Variants in CCSER1 observed in about 807,000 individuals in gnomAD.
CCSER1 encodes serine-rich coiled-coil domain-containing protein 1.
In CCSER1, 41 loss-of-function variants were observed where a neutral mutation model predicts 82.0. The ratio of observed to expected loss-of-function variants is 0.50; its 90% CI spans 0.39 to 0.65. CCSER1 has a LOEUF of 0.65. CCSER1 is among the 30% of genes least tolerant of loss of function. CCSER1 has a pLI of 0.00. For synonymous variants in CCSER1, 414 were observed against 383.9 expected (o/e 1.08, Z -0.92); for missense variants, 1,119 against 1,064.2 (o/e 1.05, Z -0.72).
At chr4:90,392,644 T>C (rs1012546963) in intron 3 of CCSER1, among the ~76,000 whole-genome samples, 7 of 151,892 alleles carry the variant, frequency 4.6e-5, no homozygotes, top group Non-Finnish European at 1.0e-4. Context: ...TCTATTCATA[T>C]TTGCAAAATA....
chr4:90,620,608 T>A (rs775589818), intron 5 of CCSER1, among the ~76,000 whole-genome samples: 1 of 152,202 alleles, frequency 6.6e-6, no homozygotes, highest in Non-Finnish European at 1.5e-5. Flanking sequence ...CTTCTAGATT[T>A]AATGTCTTTC....
intron 10 of CCSER1, among the ~76,000 whole-genome samples, chr4:91,441,369 C>T (rs990526249): frequency 7.9e-5 from 12 of 152,122 alleles, no homozygotes; most frequent in African/African-American, 2.7e-4. Flanking sequence ...AAGACAAAAA[C>T]CACATGATTA....
chr4:90,465,860 G>A (rs1225004791), intron 4 of CCSER1, among the ~76,000 whole-genome samples: 2 of 152,046 alleles, frequency 1.3e-5, no homozygotes, highest in Non-Finnish European at 2.9e-5. Flanking sequence ...CCCTGTTTTT[G>A]GGGAGTGACT....
At chr4:90,817,109 G>A (rs1259845642) in intron 8 of CCSER1, among the ~76,000 whole-genome samples, 3 of 152,020 alleles carry the variant, frequency 2.0e-5, no homozygotes, top group Non-Finnish European at 4.4e-5. Flanking sequence ...ATTACATAAT[G>A]AAAACATTTC....
chr4:90,869,893 A>C (rs1766233265), intron 8 of CCSER1, among the ~76,000 whole-genome samples: 1 of 151,668 alleles, frequency 6.6e-6, no homozygotes, highest in Non-Finnish European at 1.5e-5. Context: ...AGAATGTTTC[A>C]TAGTTTTTAT....
rs1045910113 is a variant in CCSER1 at position 91,358,669 on chromosome 4, G to T, written c.2218-239903G>T. ...CTTCCACTCAGATGGAGTGAGGCAA[G>T]TTCCAAAGACTAGTCTTACCAAGTT... On this transcript the variant is annotated intron_variant, in intron 10 of 10. Coordinates refer to ENST00000509176, the MANE Select transcript of CCSER1 (RefSeq NM_001145065.2). 8.5e-5 allele frequency among the ~76,000 whole-genome samples: 13 copies of T among 152,156 alleles called. No individual in the cohort carries two copies. In the South Asian group the frequency reaches 2.7e-3, roughly 31 times the overall value.
chr4:91,249,001 A>T (rs186501375), intron 10 of CCSER1, among the ~76,000 whole-genome samples: 1 of 152,118 alleles, frequency 6.6e-6, no homozygotes, highest in Non-Finnish European at 1.5e-5. Flanking sequence ...GCTCTTTATG[A>T]TATCAATTTT....
chr4:91,365,206 T>C (rs1728394973), intron 10 of CCSER1, among the ~76,000 whole-genome samples: 1 of 152,170 alleles, frequency 6.6e-6, no homozygotes, highest in Non-Finnish European at 1.5e-5. Context: ...TGTAGAAATA[T>C]TATTGTGATG....
intron 5 of CCSER1, among the ~76,000 whole-genome samples, chr4:90,520,734 A>C (rs1712521097): frequency 6.6e-6 from 1 of 152,172 alleles, no homozygotes; most frequent in African/African-American, 2.4e-5. Context: ...TTGTGCGCAA[A>C]GGAAGGAAGA....
chr4:91,178,694 G>T (rs1036222060), intron 10 of CCSER1, among the ~76,000 whole-genome samples: 5 of 152,036 alleles, frequency 3.3e-5, no homozygotes, highest in Admixed American at 6.6e-5. Context: ...TTGAGCCTAT[G>T]TGTGTCTCTG....
intron 1 of CCSER1, among the ~76,000 whole-genome samples, chr4:90,232,964 T>G (rs1479427787): frequency 5.3e-5 from 8 of 150,352 alleles, no homozygotes; most frequent in Non-Finnish European, 9.0e-5. Context: ...CATTAAAAAG[T>G]CAGGAAACAA....
chr4:90,522,174 A>C (rs765543396), intron 5 of CCSER1, among the ~76,000 whole-genome samples: 1 of 152,118 alleles, frequency 6.6e-6, no homozygotes, highest in Non-Finnish European at 1.5e-5. Context: ...CAATTCCATA[A>C]ATTTCTGCTT....
intron 6 of CCSER1, among the ~76,000 whole-genome samples, chr4:90,642,893 GTT>G (rs68192930): frequency 0.21 from 30,707 of 147,208 alleles, 4,020 homozygotes; most frequent in East Asian, 0.5. Context: ...ATTATTTTCT[GTT>G]TTTTTTTTTT....
intron 8 of CCSER1, among the ~76,000 whole-genome samples, chr4:90,902,237 T>G (rs1279135484): frequency 6.6e-6 from 1 of 151,976 alleles, no homozygotes; most frequent in African/African-American, 2.4e-5. Context: ...AACTTTCTCT[T>G]GGATCACACT....
At chr4:90,692,357 G>A (rs146302897) in intron 6 of CCSER1, among the ~76,000 whole-genome samples, 1,557 of 151,720 alleles carry the variant, frequency 0.01, 32 homozygotes, top group African/African-American at 0.035. Flanking sequence ...TAAATTTTTG[G>A]CATCTGCTTT....
chr4:90,556,901 T>C (rs1778207242), intron 5 of CCSER1, among the ~76,000 whole-genome samples: 2 of 151,632 alleles, frequency 1.3e-5, no homozygotes, highest in African/African-American at 4.8e-5. Flanking sequence ...CATTTAAGAA[T>C]TTCAGTGAAT....
chr4:91,353,783 G>A (rs538470422), intron 10 of CCSER1, among the ~76,000 whole-genome samples: 1 of 152,236 alleles, frequency 6.6e-6, no homozygotes, highest in South Asian at 2.1e-4. Context: ...ATCAGACAAG[G>A]GAGCAGTAAG....
chr4:91,510,368 T>C (rs1341014016), intron 10 of CCSER1, among the ~76,000 whole-genome samples: 1 of 152,188 alleles, frequency 6.6e-6, no homozygotes, highest in East Asian at 1.9e-4. Flanking sequence ...GATTGTTGGG[T>C]TGAGTGGCAG....
At chr4:90,522,062 C>T (rs1359934319) in intron 5 of CCSER1, among the ~76,000 whole-genome samples, 1 of 152,142 alleles carries the variant, frequency 6.6e-6, no homozygotes, top group African/African-American at 2.4e-5. Context: ...AATTTAAATG[C>T]TCTCTAGTGA....
Sources: gnomAD v4.1 joint callset for allele counts (sites outside exome capture counted in the v4.1 genomes callset) on GRCh38, gnomAD v4.1.1 for gene constraint, MANE v1.5 for transcripts, NCBI Gene and HGNC (gene_info 2026-07-23, HGNC 2026-07-21) for gene names.